The following ZFP69 variants were observed in gnomAD, a reference collection of about 807,000 sequenced individuals.
ZFP69 encodes the protein zinc finger protein 69 homolog.
Under a neutral mutation model 48.9 loss-of-function variants are expected in ZFP69, and 35 were observed. The ratio of observed to expected loss-of-function variants is 0.72; its 90% CI spans 0.55 to 0.95. The LOEUF is 0.95. Ranked by LOEUF, ZFP69 falls within the 40% of genes least tolerant of loss-of-function variation. The pLI is 0.00. For missense variants in ZFP69, 557 were observed against 638.4 expected (o/e 0.87, Z 1.37); for synonymous variants, 193 against 216.8 (o/e 0.89, Z 0.96).
chr1:40,491,122 T>C (rs998725372), intron 5 of ZFP69: 1 of 152,238 alleles, frequency 6.6e-6, no homozygotes, highest in Admixed American at 6.5e-5. Flanking sequence ...TTGTTTTGCA[T>C]GTTCTCTTTC....
intron 5 of ZFP69, among the ~76,000 whole-genome samples, chr1:40,491,533 A>C (rs1645567980): frequency 6.6e-6 from 1 of 152,192 alleles, no homozygotes; most frequent in African/African-American, 2.4e-5. Flanking sequence ...TGTTATTGTC[A>C]AACTTTAAGA....
At chr1:40,484,476 G>C (rs1645475221) in intron 3 of ZFP69, among the ~76,000 whole-genome samples, 1 of 152,120 alleles carries the variant, frequency 6.6e-6, no homozygotes, top group South Asian at 2.1e-4. Flanking sequence ...TGGGATTACA[G>C]GTGTGAGCCA....
At position 40,495,455 on chromosome 1, in the gene ZFP69, C is replaced by G. The variant is rs766427272; in HGVS notation, c.977C>G (p.Pro326Arg). The G allele has an allele frequency of 1.4e-5, 22 of 1,613,992 alleles. No homozygotes were observed. The highest frequency in any genetic ancestry group is 3.4e-6 in the Non-Finnish European group (4 of 1,180,022). Residue 326 changes from proline (P) to arginine (R), a missense_variant, in exon 6 of 6, where the codon CCC (proline) becomes CGC (arginine). Physicochemically the swap from Pro to Arg is moderately radical, Grantham distance 103. Coordinates refer to ENST00000372706, the MANE Select transcript of ZFP69 (RefSeq NM_001320179.2). Reference protein sequence around the residue: ...THQRIHTGEKPFECEECGKAF... With the variant: ...THQRIHTGEKRFECEECGKAF... ...CAGAGAATCCATACTGGTGAGAAAC[C>G]CTTTGAATGTGAGGAATGTGGGAAA...
Position 40,495,674 on chromosome 1 carries a change from G to T in ZFP69, c.1196G>T (p.Ser399Ile). The T allele has an allele frequency of 6.2e-7, 1 of 1,614,184 alleles. No individual in the cohort carries two copies. Among genetic ancestry groups the T allele is most frequent in the Non-Finnish European group, 8.5e-7 (1 of 1,180,032 alleles). Residue 399 changes from serine to isoleucine, a missense_variant, in exon 6 of 6, where the codon AGT (serine) becomes ATT (isoleucine). Ser to Ile is a moderately radical substitution (Grantham distance 142). Transcript: ENST00000372706. ...GKTFRQIRHL[S>I]EHIRIHTGEK... Reference sequence around the variant, plus strand: ...ACCTTTAGACAGATTAGACACCTTAGTGAACATATAAGAATTCATACCGGG... The same window carrying T: ...ACCTTTAGACAGATTAGACACCTTATTGAACATATAAGAATTCATACCGGG...
At chr1:40,488,136 A>T (rs528374650) in intron 3 of ZFP69, among the ~76,000 whole-genome samples, 1 of 149,956 alleles carries the variant, frequency 6.7e-6, no homozygotes, top group Non-Finnish European at 1.5e-5. Context: ...GTGCATGTGT[A>T]TATACATACA....
intron 3 of ZFP69, among the ~76,000 whole-genome samples, chr1:40,487,234 C>T (rs1046497386): frequency 6.6e-6 from 1 of 152,080 alleles, no homozygotes; most frequent in African/African-American, 2.4e-5. Flanking sequence ...ACAGTTGATT[C>T]TTGAGCAGCG....
intron 3 of ZFP69, among the ~76,000 whole-genome samples, chr1:40,488,572 C>T (rs1645528929): frequency 6.6e-6 from 1 of 152,226 alleles, no homozygotes; most frequent in Non-Finnish European, 1.5e-5. Flanking sequence ...TTTCTTTCCA[C>T]TCTCTCATCA....
At position 40,477,466 on chromosome 1, in the gene ZFP69, G is replaced by C. The variant is rs1557533265; in HGVS notation, c.-755G>C. ...GCGGCCTAAGAGGCCAGGCTGGGTG[G>C]GCTTGGCTGCAGCCGCCAGCCCCGT... On this transcript the variant is annotated 5_prime_UTR_variant, in exon 1 of 6. Coordinates refer to ENST00000372706, the MANE Select transcript of ZFP69 (RefSeq NM_001320179.2). This position sits in a 1 kb window ranked among gnomAD's most constrained non-coding sequence, Gnocchi z 4.0. The C allele has an allele frequency of 6.6e-6, 1 of 152,136 alleles. No homozygotes were observed. The highest frequency in any genetic ancestry group is 1.5e-5 in the Non-Finnish European group (1 of 68,036). 9.4% of individuals were successfully genotyped at this position (152,136 alleles called of 1,614,324 possible).
intron 5 of ZFP69, among the ~76,000 whole-genome samples, chr1:40,489,851 G>T (rs903393906): frequency 4.7e-5 from 7 of 149,830 alleles, no homozygotes; most frequent in African/African-American, 1.7e-4. Flanking sequence ...GAGGTGCCAG[G>T]CTCTTTTTCT....
chr1:40,488,984 TA>T, intron 3 of ZFP69, 103 bp from the exon 4 acceptor site: 1 of 1,453,196 alleles, frequency 6.9e-7, no homozygotes, highest in Non-Finnish European at 9.5e-7. Flanking sequence ...AGGCTCCTGA[TA>T]AAAGTAAGTT....
In ZFP69 at chr1:40,495,582, T is replaced by G; in HGVS notation, c.1104T>G (p.Ile368Met). 1 of 1,614,182 alleles carries G rather than the reference T, an allele frequency of 6.2e-7. No individual in the cohort carries two copies. The highest frequency in any genetic ancestry group is 8.5e-7 in the Non-Finnish European group (1 of 1,180,020). The change falls in exon 6 of 6, where the codon ATT (isoleucine) becomes ATG (methionine). Residue 368 changes from isoleucine to methionine, a missense_variant. Physicochemically the swap from Ile to Met is conservative, Grantham distance 10 (BLOSUM62 1). Coordinates refer to ENST00000372706, the MANE Select transcript of ZFP69 (RefSeq NM_001320179.2). ...DKCQKAFSQN[I>M]SLVQHLRTHS... ...GTCAGAAAGCTTTCAGCCAGAACATTAGCTTGGTTCAACATTTGAGGACTC... is the reference window on the plus strand; with the variant it reads ...GTCAGAAAGCTTTCAGCCAGAACATGAGCTTGGTTCAACATTTGAGGACTC...
At position 40,495,223 on chromosome 1, in the gene ZFP69, A is replaced by G. The variant is rs1557560338; in HGVS notation, c.745A>G (p.Thr249Ala). 2.5e-6 allele frequency: 4 copies of G among 1,614,156 alleles called. No homozygotes were observed. In the South Asian group the frequency reaches 4.4e-5, roughly 18 times the overall value. The stretch of plus-strand genomic sequence containing the variant: ...GAGGCACCATAAATATGATACACCT[A>G]CAAAGCGGAACACATACAAATTAGA... ...EQRHHKYDTPTKRNTYKLDLI... is the reference protein window; with the variant it reads ...EQRHHKYDTPAKRNTYKLDLI... Residue 249 changes from threonine (T) to alanine (A), a missense_variant, in exon 6 of 6, where the codon ACA becomes GCA. Thr to Ala is a moderately conservative substitution (Grantham distance 58). Transcript: ENST00000372706.
Position 40,495,388 on chromosome 1 carries a change from T to C in ZFP69, c.910T>C (p.Cys304Arg). 1 of 1,614,186 alleles carries C rather than the reference T, an allele frequency of 6.2e-7. No homozygotes were observed. Among genetic ancestry groups the C allele is most frequent in the Non-Finnish European group, 8.5e-7 (1 of 1,180,036 alleles). Residue 304 changes from cysteine (C) to arginine (R), a missense_variant, in exon 6 of 6, where the codon TGT becomes CGT. Physicochemically the swap from Cys to Arg is radical, Grantham distance 180 (BLOSUM62 -3). Transcript: ENST00000372706. ...TGEKPFRCKE[C>R]GRAFSQSASL... ...TGAGAAACCTTTCAGATGTAAGGAA[T>C]GTGGAAGGGCCTTTAGTCAAAGTGC...
chr1:40,477,968 T>C lies in ZFP69; in HGVS notation c.-327+74T>C, dbSNP rs561077899. 6 of 152,534 alleles carry C rather than the reference T, an allele frequency of 3.9e-5. No homozygotes were observed. In the East Asian group the frequency reaches 1.2e-3, roughly 29 times the overall value. The allele number at this position is 152,534 out of a possible 1,614,324, so 9.4% of individuals were successfully genotyped here. A position where few individuals can be genotyped will look rare whatever the true frequency, so the allele number is the denominator to read the frequency against. On this transcript the variant is annotated intron_variant, in intron 1 of 5. Transcript: ENST00000372706. The surrounding 1 kb of genome is among the most constrained non-coding windows in gnomAD (Gnocchi z 4.0). ...GGGAGCACTGTGAGGGTGGGGCATC[T>C]TCGATATGAAGCTTCTCAGCCATTA...
rs1645619047 is a variant in ZFP69, at chr1:40,495,279, A to T, written c.801A>T (p.Arg267Ser). The part of the protein sequence containing the change: ...DLINHPTSYI[R>S]TKTYECNICE... ...TTAATCATCCAACAAGTTACATAAG[A>T]ACAAAAACCTATGAATGTAATATAT... is the stretch of plus-strand genomic sequence containing the variant. The change falls in exon 6 of 6, where the codon AGA (arginine) becomes AGT (serine). Residue 267 changes from arginine to serine, a missense_variant. Arg to Ser is a moderately radical substitution (Grantham distance 110). Coordinates refer to ENST00000372706, the MANE Select transcript of ZFP69 (RefSeq NM_001320179.2). 2 of 1,613,922 alleles carry T rather than the reference A, an allele frequency of 1.2e-6. No individual in the cohort carries two copies. The highest frequency in any genetic ancestry group is 3.3e-5 in the Admixed American group (2 of 60,006).
At chr1:40,480,429 C>A (rs1014651296) in intron 2 of ZFP69, among the ~76,000 whole-genome samples, 2 of 151,676 alleles carry the variant, frequency 1.3e-5, no homozygotes, top group African/African-American at 4.8e-5. Context: ...CCACGCCTGG[C>A]TAATTTTTGC....
At chr1:40,489,469 G>C in intron 4 of ZFP69, 60 bp from the exon 5 acceptor site, 1 of 1,478,116 alleles carries the variant, frequency 6.8e-7, no homozygotes, top group Non-Finnish European at 9.3e-7. Context: ...TCAAAATTCT[G>C]AGGATGGTTC....
At chr1:40,482,537 G>A (rs548716453) in intron 3 of ZFP69, among the ~76,000 whole-genome samples, 2 of 152,302 alleles carry the variant, frequency 1.3e-5, no homozygotes, top group South Asian at 4.1e-4. Flanking sequence ...AGGGTTTGAA[G>A]TGAAATGAAC....
chr1:40,485,573 C>T (rs757183748), intron 3 of ZFP69, among the ~76,000 whole-genome samples: 1 of 152,130 alleles, frequency 6.6e-6, no homozygotes, highest in African/African-American at 2.4e-5. Flanking sequence ...CATTTAGGCA[C>T]TCTTCCTTTT....
Sources: allele counts gnomAD v4.1 joint callset (sites outside exome capture counted in the v4.1 genomes callset), GRCh38; gene constraint gnomAD v4.1.1; non-coding constraint Gnocchi (gnomAD v3.1); transcripts MANE v1.5; gene names NCBI Gene and HGNC (gene_info 2026-07-23, HGNC 2026-07-21).